The following SLC10A7 variants were observed in gnomAD, a reference collection of about 807,000 sequenced individuals.
SLC10A7 encodes the protein solute carrier family 10 member 7, also known as sodium/bile acid cotransporter 7.
SLC10A7 carries 29 observed loss-of-function variants against 43.2 expected under a neutral mutation model. The ratio of observed to expected loss-of-function variants is 0.67; its 90% CI spans 0.50 to 0.92. SLC10A7 has a LOEUF of 0.92. Ranked by LOEUF, SLC10A7 falls within the 40% of genes least tolerant of loss-of-function variation. The probability of loss-of-function intolerance (pLI) is 0.00; values close to 1 mark genes in which losing one functional copy is unlikely to be tolerated. For synonymous variants in SLC10A7, 152 were observed against 144.8 expected (o/e 1.05, Z -0.35); for missense variants, 295 against 403.2 (o/e 0.73, Z 2.30).
At chr4:146,492,174 C>CAT (rs1735516901) in intron 4 of SLC10A7, among the ~76,000 whole-genome samples, 3 of 151,212 alleles carry the variant, frequency 2.0e-5, no homozygotes, top group Non-Finnish European at 2.9e-5. Context: ...GAGCCGAGAT[C>CAT]GCGTCACTGC....
intron 4 of SLC10A7, among the ~76,000 whole-genome samples, chr4:146,493,488 A>G (rs186976191): frequency 1.3e-5 from 2 of 148,916 alleles, no homozygotes; most frequent in Admixed American, 6.7e-5. Flanking sequence ...TCTGTCTCGA[A>G]AAAAAAAAAA....
At chr4:146,382,009 C>T (rs758464293) in intron 5 of SLC10A7, among the ~76,000 whole-genome samples, 1 of 151,848 alleles carries the variant, frequency 6.6e-6, no homozygotes, top group Non-Finnish European at 1.5e-5. Context: ...AAAAATGTCT[C>T]CCAATCTTAG....
intron 10 of SLC10A7, among the ~76,000 whole-genome samples, chr4:146,264,284 A>C (rs1462247838): frequency 6.6e-6 from 1 of 152,182 alleles, no homozygotes; most frequent in East Asian, 1.9e-4. Flanking sequence ...ACTACTTTCT[A>C]TTGGATGGAC....
At chr4:146,510,641 C>A (rs1264301456) in intron 2 of SLC10A7, among the ~76,000 whole-genome samples, 1 of 152,046 alleles carries the variant, frequency 6.6e-6, no homozygotes, top group Non-Finnish European at 1.5e-5. Context: ...AACTCTGGAC[C>A]AGGACTAAGC....
chr4:146,432,653 T>A (rs1053242373), intron 5 of SLC10A7, among the ~76,000 whole-genome samples: 2 of 152,206 alleles, frequency 1.3e-5, no homozygotes, highest in African/African-American at 4.8e-5. Context: ...GGGAATATTA[T>A]CTTGATTGAG....
In SLC10A7 at chr4:146,254,795, T is replaced by C. The variant is rs973516538; in HGVS notation, c.*1696A>G. On this transcript the variant is annotated 3_prime_UTR_variant, in exon 12 of 12. Transcript: ENST00000335472. ...AACCTAAGAGCCTTCCTGTGCTCCATAGGTAAGCACAATTACCTAAGCAAA... is the reference window on the plus strand; with the variant it reads ...AACCTAAGAGCCTTCCTGTGCTCCACAGGTAAGCACAATTACCTAAGCAAA... The C allele has an allele frequency of 3.9e-5, 6 of 152,212 alleles. No homozygotes were observed. Among genetic ancestry groups the C allele is most frequent in the Admixed American group, 2.0e-4 (3 of 15,276 alleles). The allele number at this position is 152,212 out of a possible 1,614,324, so 9.4% of individuals were successfully genotyped here. A position where few individuals can be genotyped will look rare whatever the true frequency, so the allele number is the denominator to read the frequency against.
At chr4:146,424,988 G>C (rs1446221904) in intron 5 of SLC10A7, among the ~76,000 whole-genome samples, 2 of 151,874 alleles carry the variant, frequency 1.3e-5, no homozygotes, top group African/African-American at 2.4e-5. Flanking sequence ...TGTGCACCAG[G>C]GTTTTTTCTA....
At chr4:146,477,804 T>C (rs186708244) in intron 4 of SLC10A7, 1 of 152,316 alleles carries the variant, frequency 6.6e-6, no homozygotes, top group African/African-American at 2.4e-5. Context: ...AATTTAAGAA[T>C]AGCTTTTTGT....
chr4:146,439,720 T>G (rs1579190527), intron 5 of SLC10A7, among the ~76,000 whole-genome samples: 1 of 152,126 alleles, frequency 6.6e-6, no homozygotes, highest in Non-Finnish European at 1.5e-5. Flanking sequence ...CCTCATTTTA[T>G]ATACAGGGAA....
chr4:146,387,269 C>G (rs1439774854), intron 5 of SLC10A7, among the ~76,000 whole-genome samples: 1 of 152,128 alleles, frequency 6.6e-6, no homozygotes, highest in Non-Finnish European at 1.5e-5. Context: ...GATAATACAC[C>G]ACAGTCAAGT....
At chr4:146,468,878 T>C (rs1461602904) in intron 4 of SLC10A7, among the ~76,000 whole-genome samples, 2 of 152,184 alleles carry the variant, frequency 1.3e-5, no homozygotes, top group African/African-American at 4.8e-5. Context: ...TTTGTGAGGC[T>C]TCAGAAAATA....
chr4:146,390,182 A>G (rs1738316670), intron 5 of SLC10A7, among the ~76,000 whole-genome samples: 2 of 152,218 alleles, frequency 1.3e-5, no homozygotes, highest in Admixed American at 6.5e-5. Context: ...AGTTGTAAGT[A>G]AACCTGTTCA....
At chr4:146,402,698 A>G (rs997059332) in intron 5 of SLC10A7, among the ~76,000 whole-genome samples, 1 of 152,208 alleles carries the variant, frequency 6.6e-6, no homozygotes, top group Non-Finnish European at 1.5e-5. Context: ...CTACTTGGGA[A>G]TAATATAGGC....
At chr4:146,396,022 C>T (rs1738800323) in intron 5 of SLC10A7, among the ~76,000 whole-genome samples, 1 of 152,188 alleles carries the variant, frequency 6.6e-6, no homozygotes, top group Non-Finnish European at 1.5e-5. Flanking sequence ...ATACGACAAT[C>T]TACGAGGTTT....
chr4:146,276,769 AC>A (rs1729230205), intron 10 of SLC10A7, among the ~76,000 whole-genome samples: 1 of 151,914 alleles, frequency 6.6e-6, no homozygotes, highest in South Asian at 2.1e-4. Context: ...GGGCAACATA[AC>A]GAAGCCCCCG....
chr4:146,368,154 A>C (rs1736525072), intron 5 of SLC10A7, among the ~76,000 whole-genome samples: 1 of 152,150 alleles, frequency 6.6e-6, no homozygotes, highest in Admixed American at 6.5e-5. Flanking sequence ...TTACCTTGAC[A>C]CCAGAATTGT....
Position 146,305,988 on chromosome 4 carries a change from G to A in SLC10A7, c.493C>T (p.Pro165Ser). 1 of 1,608,650 alleles carries A rather than the reference G, an allele frequency of 6.2e-7. No homozygotes were observed. The highest frequency in any genetic ancestry group is 2.2e-5 in the East Asian group (1 of 44,568). ...AGCTGAGAAAAAATAGATGTGAAAG[G>A]CACAGAAGAAGATGAACCAAGCTGT... ...LLFLGSSSSV[P>S]FTSIFSQLFM... The change falls in exon 7 of 12, where the codon CCT becomes TCT. Residue 165 changes from proline (P) to serine (S), a missense_variant. This residue lies in a region of SLC10A7 where 242 missense variants were observed against 362.5 expected (regional missense o/e 0.67). Transcript: ENST00000335472.
At chr4:146,448,892 T>C (rs1045271204) in intron 4 of SLC10A7, among the ~76,000 whole-genome samples, 7 of 152,148 alleles carry the variant, frequency 4.6e-5, no homozygotes, top group Admixed American at 3.9e-4. Flanking sequence ...GCTGTATAGG[T>C]GAAGACCAGA....
At chr4:146,410,609 C>T (rs1728120618) in intron 5 of SLC10A7, among the ~76,000 whole-genome samples, 1 of 152,068 alleles carries the variant, frequency 6.6e-6, no homozygotes, top group Admixed American at 6.6e-5. Flanking sequence ...CCAAAGTTAC[C>T]TAGTTTATCA....
Sources: allele counts gnomAD v4.1 joint callset (sites outside exome capture counted in the v4.1 genomes callset), GRCh38; gene constraint gnomAD v4.1.1; regional missense constraint gnomAD v4.1.1; transcripts MANE v1.5; gene names NCBI Gene and HGNC (gene_info 2026-07-23, HGNC 2026-07-21).